Variants in MLST8 observed in about 807,000 individuals in gnomAD.
MLST8 encodes the protein MTOR associated protein MLST8, also known as target of rapamycin complex subunit LST8.
A neutral mutation model predicts 41.3 loss-of-function variants in MLST8; 20 were observed. That is an observed-to-expected ratio of 0.48 (90% CI 0.34 to 0.70). MLST8 has a LOEUF of 0.70. Among genes scored for constraint, MLST8 ranks in the 30% least tolerant of loss-of-function variants. The pLI is 0.01. For missense variants in MLST8, 422 were observed against 454.3 expected (o/e 0.93, Z 0.65); for synonymous variants, 243 against 183.0 (o/e 1.33, Z -2.65).
intron 6 of MLST8, 40 bp downstream of exon 6, chr16:2,207,385 C>T (rs1040452302): frequency 6.2e-7 from 1 of 1,603,154 alleles, no homozygotes; most frequent in Admixed American, 1.7e-5. Flanking sequence ...GGCAGCTTGG[C>T]ACTCAGCCCT....
rs1490428996 is a variant in MLST8, at chr16:2,206,422, C to T, written c.181+13C>T. ...ATTGCTGCTGCAGGTATCTGTGATC[C>T]TTGATCTCTAAACTCCTGAGCTCTG... On this transcript the variant is annotated intron_variant, in intron 3 of 8. Transcript: ENST00000569417. 1.2e-6 allele frequency: 2 copies of T among 1,614,158 alleles called. No homozygotes were observed. The highest frequency in any genetic ancestry group is 1.7e-6 in the Non-Finnish European group (2 of 1,180,006).
rs771420086 is a variant in MLST8 at position 2,209,419 on chromosome 16, G to A, written c.*542G>A. 1.8e-5 allele frequency: 29 copies of A among 1,613,840 alleles called. No individual in the cohort carries two copies. The highest frequency in any genetic ancestry group is 2.4e-5 in the Non-Finnish European group (28 of 1,179,992). Reference sequence around the variant, plus strand: ...CGCAGATGTTGCTCGGGAAGCAGATGTCGATGCAGAGATAAATCAGCCGCT... The same window carrying A: ...CGCAGATGTTGCTCGGGAAGCAGATATCGATGCAGAGATAAATCAGCCGCT... On this transcript the variant is annotated 3_prime_UTR_variant, in exon 9 of 9. Coordinates refer to ENST00000569417, the MANE Select transcript of MLST8 (RefSeq NM_022372.6).
chr16:2,207,946 TC>T (rs1165057232), intron 6 of MLST8: 3 of 392,244 alleles, frequency 7.6e-6, no homozygotes, highest in African/African-American at 2.1e-5. Context: ...CCTGTCTACT[TC>T]CGTTGGCCAT....
chr16:2,208,334 C>G lies in MLST8; in HGVS notation c.698C>G (p.Thr233Arg). 1 of 1,606,096 alleles carries G rather than the reference C, an allele frequency of 6.2e-7. No individual in the cohort carries two copies. The highest frequency in any genetic ancestry group is 8.5e-7 in the Non-Finnish European group (1 of 1,174,404). Residue 233 changes from threonine to arginine, a missense_variant and splice_region_variant, in exon 7 of 9, where the codon ACG (threonine) becomes AGG (arginine). Physicochemically the swap from Thr to Arg is moderately conservative, Grantham distance 71. Coordinates refer to ENST00000569417, the MANE Select transcript of MLST8 (RefSeq NM_022372.6). ...ALQCRFSPDS[T>R]LLATCSADQT... ...CAGTGTCGCTTCAGCCCCGACTCCA[C>G]GTGCGTGCAGGGCCTGCTGGCCCGG...
In MLST8 at chr16:2,209,009, C is replaced by T; in HGVS notation, c.*132C>T. The T allele has an allele frequency of 1.8e-5, 18 of 998,122 alleles. No homozygotes were observed. Among genetic ancestry groups the T allele is most frequent in the Non-Finnish European group, 2.0e-5 (13 of 657,792 alleles). 61.8% of individuals were successfully genotyped at this position (998,122 alleles called of 1,614,324 possible). A position where few individuals can be genotyped will look rare whatever the true frequency, so the allele number is the denominator to read the frequency against. ...CTGATGGCCCCCTGTGGCGCCTTGA[C>T]CTGCTGGGCCAGGCTGCCCTGGGAC... On this transcript the variant is annotated 3_prime_UTR_variant, in exon 9 of 9. Transcript: ENST00000569417.
chr16:2,207,661 C>T (rs1045553868), intron 6 of MLST8: 163 of 408,904 alleles, frequency 4.0e-4, no homozygotes, highest in Non-Finnish European at 6.5e-4. Flanking sequence ...GGCTTCCTTT[C>T]CCCCTCCCTG....
At position 2,209,244 on chromosome 16, in the gene MLST8, A is replaced by G. The variant is rs188807387; in HGVS notation, c.*367A>G. On this transcript the variant is annotated 3_prime_UTR_variant, in exon 9 of 9. Coordinates refer to ENST00000569417, the MANE Select transcript of MLST8 (RefSeq NM_022372.6). The stretch of plus-strand genomic sequence containing the variant: ...AGGGCCTCGGTCCATAGAGAACACC[A>G]CCACCATGGCCAGGTGGAAGGGTTT... 3.9e-4 allele frequency: 381 copies of G among 969,514 alleles called. 1 individual carries two copies. The highest frequency in any genetic ancestry group is 5.9e-4 in the Middle Eastern group (2 of 3,404). 60.1% of individuals were successfully genotyped at this position (969,514 alleles called of 1,614,324 possible). A position where few individuals can be genotyped will look rare whatever the true frequency, so the allele number is the denominator to read the frequency against.
rs1242883856 is a variant in MLST8 at position 2,206,744 on chromosome 16, G to A, written c.344+85G>A. 4 of 1,482,636 alleles carry A rather than the reference G, an allele frequency of 2.7e-6. No homozygotes were observed. In the African/African-American group the frequency reaches 5.5e-5, roughly 20 times the overall value. The allele number at this position is 1,482,636 out of a possible 1,614,324, so 91.8% of individuals were successfully genotyped here. A position where few individuals can be genotyped will look rare whatever the true frequency, so the allele number is the denominator to read the frequency against. ...TTAGGTTGGGTTCTCTTCAAGCAGAGGCTGAGACAGGGAGCTTCCTGTGGG... is the reference window on the plus strand; with the variant it reads ...TTAGGTTGGGTTCTCTTCAAGCAGAAGCTGAGACAGGGAGCTTCCTGTGGG... On this transcript the variant is annotated intron_variant, in intron 4 of 8. Coordinates refer to ENST00000569417, the MANE Select transcript of MLST8 (RefSeq NM_022372.6).
At chr16:2,205,859 TGGAGCCCC>T (rs772421240) in intron 1 of MLST8, 164 bp from the exon 2 acceptor site, 125 of 1,326,036 alleles carry the variant, frequency 9.4e-5, no homozygotes, top group Middle Eastern at 4.5e-4. Flanking sequence ...GCACGCGCCC[TGGAGCCCC>T]GGAGCCAGGT....
rs771415321 is a variant in MLST8, at chr16:2,208,474, T to G, written c.723T>G (p.Asp241Glu). ...GGCTCCTCGCCACCTGCTCGGCTGA[T>G]CAGACGTGCAAGATCTGGAGGACGT... Reference protein sequence around the residue: ...DSTLLATCSADQTCKIWRTSN... With the variant: ...DSTLLATCSAEQTCKIWRTSN... Residue 241 changes from aspartate to glutamate, a missense_variant, in exon 8 of 9, where the codon GAT becomes GAG. Asp to Glu is a conservative substitution (Grantham distance 45). Coordinates refer to ENST00000569417, the MANE Select transcript of MLST8 (RefSeq NM_022372.6). 1 of 1,613,010 alleles carries G rather than the reference T, an allele frequency of 6.2e-7. No homozygotes were observed. Among genetic ancestry groups the G allele is most frequent in the Admixed American group, 1.7e-5 (1 of 59,978 alleles).
chr16:2,205,665 G>T (rs930842284), intron 1 of MLST8, 153 bp downstream of exon 1: 4 of 988,314 alleles, frequency 4.0e-6, no homozygotes, highest in Admixed American at 6.1e-5. Context: ...TTCCCATCAG[G>T]GCCTGCCGCT....
rs769378015 is a variant in MLST8 at position 2,208,358 on chromosome 16, G to A, written c.698+24G>A. The A allele has an allele frequency of 1.7e-5, 27 of 1,604,640 alleles. 1 individual carries two copies. In the East Asian group the frequency reaches 2.7e-4, roughly 16 times the overall value. On this transcript the variant is annotated intron_variant, in intron 7 of 8. Transcript: ENST00000569417. ...ACGTGCGTGCAGGGCCTGCTGGCCC[G>A]GGAGGGGACCTGCCTGGGCTGGGGG... is the stretch of plus-strand genomic sequence containing the variant.
Position 2,209,200 on chromosome 16 carries a change from C to T in MLST8, c.*323C>T, listed in dbSNP as rs1418101230. 10 of 719,620 alleles carry T rather than the reference C, an allele frequency of 1.4e-5. No homozygotes were observed. The highest frequency in any genetic ancestry group is 2.7e-5 in the East Asian group (1 of 36,878). The allele number at this position is 719,620 out of a possible 1,614,324, so 44.6% of individuals were successfully genotyped here. ...ACCCCCAAGCTAGTGTGTTCTCTGC[C>T]CCTCCCTGCCCGCGTTTCAGGGCCT... On this transcript the variant is annotated 3_prime_UTR_variant, in exon 9 of 9. Coordinates refer to ENST00000569417, the MANE Select transcript of MLST8 (RefSeq NM_022372.6).
chr16:2,205,989 C>T (rs765107714), intron 1 of MLST8, 42 bp from the exon 2 acceptor site: 20 of 1,499,874 alleles, frequency 1.3e-5, no homozygotes, highest in Non-Finnish European at 1.8e-5. Flanking sequence ...ATCTACTTAG[C>T]ACAGAGAGTG....
At chr16:2,206,839 C>A in intron 4 of MLST8, 180 bp downstream of exon 4, 3 of 1,019,398 alleles carry the variant, frequency 2.9e-6, no homozygotes, top group Non-Finnish European at 4.5e-6. Flanking sequence ...GCCTTGAGCC[C>A]GGAGCCAGCT....
rs761678598 is a variant in MLST8, at chr16:2,208,504, C to A, written c.753C>A (p.Asn251Lys). The stretch of plus-strand genomic sequence containing the variant: ...CGTGCAAGATCTGGAGGACGTCCAA[C>A]TTCTCCCTGATGACGGAGCTGAGCA... ...DQTCKIWRTS[N>K]FSLMTELSIK... Residue 251 changes from asparagine (N) to lysine (K), a missense_variant, in exon 8 of 9, where the codon AAC becomes AAA. Physicochemically the swap from Asn to Lys is moderately conservative, Grantham distance 94. Coordinates refer to ENST00000569417, the MANE Select transcript of MLST8 (RefSeq NM_022372.6). The A allele has an allele frequency of 6.2e-7, 1 of 1,613,380 alleles. No homozygotes were observed. The highest frequency in any genetic ancestry group is 8.5e-7 in the Non-Finnish European group (1 of 1,179,922).
Position 2,209,056 on chromosome 16 carries a change from C to T in MLST8, c.*179C>T. 1.4e-6 allele frequency: 1 copy of T among 701,716 alleles called. No individual in the cohort carries two copies. 43.5% of individuals were successfully genotyped at this position (701,716 alleles called of 1,614,324 possible). A position where few individuals can be genotyped will look rare whatever the true frequency, so the allele number is the denominator to read the frequency against. On this transcript the variant is annotated 3_prime_UTR_variant, in exon 9 of 9. Coordinates refer to ENST00000569417, the MANE Select transcript of MLST8 (RefSeq NM_022372.6). The stretch of plus-strand genomic sequence containing the variant: ...GGACTCTCAGCCCCCAGTTGCTTAT[C>T]CAGATGTGACAGAGCTCGACCCAAG...
At position 2,208,241 on chromosome 16, in the gene MLST8, G is replaced by T. The variant is rs958898211; in HGVS notation, c.605G>T (p.Gly202Val). 1.2e-6 allele frequency: 2 copies of T among 1,613,266 alleles called. No homozygotes were observed. Among genetic ancestry groups the T allele is most frequent in the East Asian group, 2.2e-5 (1 of 44,872 alleles). ...TGCTATGTCTGGAATCTGACGGGGGGCATTGGTGACGAGGTGACCCAGCTC... is the reference window on the plus strand; with the variant it reads ...TGCTATGTCTGGAATCTGACGGGGGTCATTGGTGACGAGGTGACCCAGCTC... ...GNCYVWNLTG[G>V]IGDEVTQLIP... Residue 202 changes from glycine to valine, a missense_variant, in exon 7 of 9, where the codon GGC becomes GTC. Physicochemically the swap from Gly to Val is moderately radical, Grantham distance 109. Coordinates refer to ENST00000569417, the MANE Select transcript of MLST8 (RefSeq NM_022372.6).
At chr16:2,205,543 C>T (rs2093263042) in intron 1 of MLST8, 31 bp downstream of exon 1, 1 of 397,850 alleles carries the variant, frequency 2.5e-6, no homozygotes. Flanking sequence ...GGGCCGGGAA[C>T]CGGCTGCTGG....
Sources: allele counts gnomAD v4.1 joint callset, GRCh38; gene constraint gnomAD v4.1.1; transcripts MANE v1.5; gene names NCBI Gene and HGNC (gene_info 2026-07-23, HGNC 2026-07-21).